ARID4B: variants seen among roughly 807,000 people sequenced by gnomAD.
ARID4B encodes the protein AT-rich interaction domain 4B.
A neutral mutation model predicts 147.5 loss-of-function variants in ARID4B; 26 were observed. The observed-to-expected ratio is 0.18, with a 90% CI of 0.13 to 0.24. The LOEUF is 0.24. Among genes scored for constraint, ARID4B ranks in the 10% least tolerant of loss-of-function variants. ARID4B has a pLI of 1.00. For synonymous variants in ARID4B, 512 were observed against 507.9 expected (o/e 1.01, Z -0.11); for missense variants, 1,179 against 1,511.5 (o/e 0.78, Z 3.65).
intron 2 of ARID4B, among the ~76,000 whole-genome samples, chr1:235,299,258 G>T (rs1672962114): frequency 6.6e-6 from 1 of 152,200 alleles, no homozygotes; most frequent in Non-Finnish European, 1.5e-5. Context: ...CTGTCACCCA[G>T]GCTGGAGTGC....
chr1:235,194,012 C>T lies in ARID4B; in HGVS notation c.2125+1G>A. ...CACAACAGAACGATTGTTATGTTTA[C>T]CTTGAAGTCCATTAAGGATCGAAGT... On this transcript the variant is annotated splice_donor_variant, in intron 19 of 23. Coordinates refer to ENST00000264183, the MANE Select transcript of ARID4B (RefSeq NM_016374.6). LOFTEE classifies it high-confidence loss of function. 1 of 1,583,122 alleles carries T rather than the reference C, an allele frequency of 6.3e-7. No homozygotes were observed. The highest frequency in any genetic ancestry group is 8.7e-7 in the Non-Finnish European group (1 of 1,153,520).
rs533484414 is a variant in ARID4B at position 235,185,003 on chromosome 1, G to A, written c.2126-2210C>T. Among the ~76,000 whole-genome samples the A allele has an allele frequency of 1.6e-3, 236 of 152,246 alleles. 1 individual carries two copies. The highest frequency in any genetic ancestry group is 5.5e-3 in the African/African-American group (227 of 41,556). On this transcript the variant is annotated intron_variant, in intron 19 of 23. Transcript: ENST00000264183. ...AGCTAATTTTTGTATTTTTAGTAGA[G>A]ATGAAGTTTCATCATTTTAGACAGG...
intron 17 of ARID4B, among the ~76,000 whole-genome samples, chr1:235,209,809 C>T (rs1666593991): frequency 6.6e-6 from 1 of 152,050 alleles, no homozygotes; most frequent in Non-Finnish European, 1.5e-5. Context: ...GGTGATCTGC[C>T]CGCCTCGGCC....
At position 235,172,628 on chromosome 1, in the gene ARID4B, T is replaced by C. The variant is rs1488545738; in HGVS notation, c.3801A>G (p.Lys1267=). 5.1e-6 allele frequency: 8 copies of C among 1,562,174 alleles called. No individual in the cohort carries two copies. The highest frequency in any genetic ancestry group is 6.9e-6 in the Non-Finnish European group (8 of 1,159,260). The part of the protein sequence containing the change: ...IDRRRKRLKK[K]ERESAATSSS... ...AGTAAAAATACTTACTTTCTCTCTC[T>C]TTCTTCTTTAAACGCTTTCTCCTCC... Residue 1267 remains lysine (K), a synonymous_variant, in exon 23 of 24, where the codon AAA becomes AAG. Coordinates refer to ENST00000264183, the MANE Select transcript of ARID4B (RefSeq NM_016374.6).
At chr1:235,259,802 T>C (rs908298085) in intron 3 of ARID4B, among the ~76,000 whole-genome samples, 2 of 152,208 alleles carry the variant, frequency 1.3e-5, no homozygotes, top group Admixed American at 1.3e-4. Context: ...CAGAAGAGAC[T>C]GATACCCTCC....
At chr1:235,227,402 A>G (rs576047724) in intron 11 of ARID4B, among the ~76,000 whole-genome samples, 1 of 152,310 alleles carries the variant, frequency 6.6e-6, no homozygotes, top group East Asian at 1.9e-4. Context: ...TGAAGCAGGG[A>G]AATTTCTACA....
At chr1:235,233,707 A>G (rs72756074) in intron 9 of ARID4B, among the ~76,000 whole-genome samples, 20,011 of 151,926 alleles carry the variant, frequency 0.13, 1,530 homozygotes, top group African/African-American at 0.2. Flanking sequence ...TATCACTATA[A>G]CCATTAGACA....
chr1:235,181,375 G>T, intron 20 of ARID4B: 1 of 733,228 alleles, frequency 1.4e-6, no homozygotes, highest in Non-Finnish European at 2.1e-6. Context: ...TGCCATGGAT[G>T]GCTCAAGCAA....
intron 2 of ARID4B, among the ~76,000 whole-genome samples, chr1:235,276,639 G>C (rs559091015): frequency 2.6e-5 from 4 of 151,730 alleles, no homozygotes; most frequent in Admixed American, 2.0e-4. Flanking sequence ...TCCAGTCTGG[G>C]AGACACAGCA....
rs185869971 is a variant in ARID4B, at chr1:235,205,871, A to T, written c.1841+7898T>A. Reference sequence around the variant, plus strand: ...AAACAGAGAATAACAAGTGTTGACAAGGCTGCAGAGAACCTGGAACCCTAA... The same window carrying T: ...AAACAGAGAATAACAAGTGTTGACATGGCTGCAGAGAACCTGGAACCCTAA... On this transcript the variant is annotated intron_variant, in intron 17 of 23. Transcript: ENST00000264183. Among the ~76,000 whole-genome samples, 129 of 152,352 alleles carry T rather than the reference A, an allele frequency of 8.5e-4. 1 individual carries two copies. The highest frequency in any genetic ancestry group is 6.8e-3 in the Middle Eastern group (2 of 294).
At chr1:235,256,377 C>G (rs749476210) in intron 4 of ARID4B, among the ~76,000 whole-genome samples, 8 of 152,102 alleles carry the variant, frequency 5.3e-5, no homozygotes, top group Non-Finnish European at 8.8e-5. Context: ...AACTGACTGT[C>G]CTTGCCCCGT....
At chr1:235,188,412 G>C (rs1241280947) in intron 19 of ARID4B, among the ~76,000 whole-genome samples, 1 of 152,092 alleles carries the variant, frequency 6.6e-6, no homozygotes, top group African/African-American at 2.4e-5. Flanking sequence ...GGGCAGTGGG[G>C]AGCCTCATAC....
In ARID4B at chr1:235,229,249, ATCC is replaced by A; in HGVS notation, c.876_878del (p.Glu292del). 1 of 1,611,262 alleles carries A rather than the reference ATCC, an allele frequency of 6.2e-7. No homozygotes were observed. The highest frequency in any genetic ancestry group is 8.5e-7 in the Non-Finnish European group (1 of 1,178,184). On this transcript the variant is annotated inframe_deletion, in exon 11 of 24. Transcript: ENST00000264183. The stretch of plus-strand genomic sequence containing the variant: ...CACTTACTTCTTCTTCACTGCTATT[ATCC>A]TCCTTTTCTTTTTCATCATCTTCCT...
chr1:235,206,181 A>G (rs1339500338), intron 17 of ARID4B, among the ~76,000 whole-genome samples: 1 of 152,158 alleles, frequency 6.6e-6, no homozygotes, highest in Admixed American at 6.6e-5. Flanking sequence ...ACTTTTCTAG[A>G]TGTGGTAAGG....
chr1:235,258,288 C>T (rs1176708195), intron 3 of ARID4B, among the ~76,000 whole-genome samples: 6 of 152,062 alleles, frequency 3.9e-5, no homozygotes, highest in East Asian at 1.9e-4. Context: ...GCCGAGATTG[C>T]GTCACTGCAC....
rs1670036813 is a variant in ARID4B at position 235,257,146 on chromosome 1, A to C, written c.183+14T>G. 1.9e-6 allele frequency: 3 copies of C among 1,578,786 alleles called. No homozygotes were observed. The highest frequency in any genetic ancestry group is 2.6e-6 in the Non-Finnish European group (3 of 1,148,452). On this transcript the variant is annotated intron_variant, in intron 4 of 23. Coordinates refer to ENST00000264183, the MANE Select transcript of ARID4B (RefSeq NM_016374.6). ...CAAACAACCATTAGAATTAACAATG[A>C]ATACATGAATTACCTTTAGTGGGCC...
intron 14 of ARID4B, among the ~76,000 whole-genome samples, chr1:235,221,095 G>A (rs111558723): frequency 1.3e-5 from 2 of 152,178 alleles, no homozygotes; most frequent in African/African-American, 2.4e-5. Context: ...ACAAGGTTTC[G>A]CCATGCTGGC....
Position 235,214,003 on chromosome 1 carries a change from T to C in ARID4B, c.1607A>G (p.Asp536Gly). Residue 536 changes from aspartate (D) to glycine (G), a missense_variant, in exon 17 of 24, where the codon GAT becomes GGT. Around this residue, in one of 10 missense-constraint regions of ARID4B, gnomAD observed 204 missense variants for 210.9 expected, o/e 0.97. Coordinates refer to ENST00000264183, the MANE Select transcript of ARID4B (RefSeq NM_016374.6). ...CTCTTCTGCTTCTTCATCATCTTCATCTTCTTCTTTATTCGTTTCATCTCT... is the reference window on the plus strand; with the variant it reads ...CTCTTCTGCTTCTTCATCATCTTCACCTTCTTCTTTATTCGTTTCATCTCT... ...KSGDETNKEE[D>G]EDDEEAEEEE... The C allele has an allele frequency of 6.3e-7, 1 of 1,592,676 alleles. No homozygotes were observed. The highest frequency in any genetic ancestry group is 8.6e-7 in the Non-Finnish European group (1 of 1,161,202).
chr1:235,191,923 C>T (rs983938630), intron 19 of ARID4B, among the ~76,000 whole-genome samples: 1 of 151,878 alleles, frequency 6.6e-6, no homozygotes, highest in African/African-American at 2.4e-5. Context: ...ACAAAAACTA[C>T]AAAAAATAGC....
Sources: gnomAD v4.1 joint callset for allele counts (sites outside exome capture counted in the v4.1 genomes callset) on GRCh38, gnomAD v4.1.1 for gene constraint, gnomAD v4.1.1 regional missense constraint, MANE v1.5 for transcripts, NCBI Gene and HGNC (gene_info 2026-07-23, HGNC 2026-07-21) for gene names.